KIAA0586: variants seen among roughly 807,000 people sequenced by gnomAD.
KIAA0586 encodes protein TALPID3.
Under a neutral mutation model 169.8 loss-of-function variants are expected in KIAA0586, and 144 were observed. That is an observed-to-expected ratio of 0.85 (90% CI 0.74 to 0.97). The LOEUF is 0.97. Ranked by LOEUF, KIAA0586 falls within the 50% of genes least tolerant of loss-of-function variation. The probability of loss-of-function intolerance (pLI) is 0.00; values close to 1 mark genes in which losing one functional copy is unlikely to be tolerated. For missense variants in KIAA0586, 1,854 were observed against 1,823.0 expected, an observed-to-expected ratio of 1.02 and a Z score of -0.31; for synonymous variants, 625 against 612.4, an observed-to-expected ratio of 1.02 and a Z score of -0.30.
At chr14:58,501,994 A>G (rs1366994491) in intron 27 of KIAA0586, among the ~76,000 whole-genome samples, 4 of 152,190 alleles carry the variant, frequency 2.6e-5, no homozygotes, top group African/African-American at 7.2e-5. Flanking sequence ...TGAAGGATCC[A>G]CTTTCCAAGT....
At chr14:58,535,997 C>G (rs752738928) in intron 29 of KIAA0586, among the ~76,000 whole-genome samples, 1 of 152,008 alleles carries the variant, frequency 6.6e-6, no homozygotes, top group Non-Finnish European at 1.5e-5. Context: ...ATACCAGTGA[C>G]TCTTACTGAA....
intron 27 of KIAA0586, 32 bp downstream of exon 27, chr14:58,498,992 CATA>C (rs2043361132): frequency 6.5e-7 from 1 of 1,535,694 alleles, no homozygotes; most frequent in East Asian, 2.4e-5. Flanking sequence ...CTTGATGTGT[CATA>C]GTAGTATCCC....
chr14:58,529,795 A>G (rs959814654), intron 29 of KIAA0586, among the ~76,000 whole-genome samples: 2 of 152,256 alleles, frequency 1.3e-5, no homozygotes, highest in Admixed American at 6.5e-5. Context: ...GTAAACCAGC[A>G]CAAGACAAGG....
At chr14:58,484,617 A>T (rs892642426) in intron 21 of KIAA0586, among the ~76,000 whole-genome samples, 5 of 151,462 alleles carry the variant, frequency 3.3e-5, no homozygotes, top group African/African-American at 1.2e-4. Flanking sequence ...TGAGTTATAT[A>T]TATAAAATAT....
At chr14:58,539,471 G>A (rs913882628) in intron 29 of KIAA0586, among the ~76,000 whole-genome samples, 1 of 152,084 alleles carries the variant, frequency 6.6e-6, no homozygotes, top group Non-Finnish European at 1.5e-5. Flanking sequence ...AGAGTGTCTT[G>A]TTGGCCTGAG....
chr14:58,526,446 C>T (rs1046732026), intron 29 of KIAA0586, among the ~76,000 whole-genome samples: 2 of 152,188 alleles, frequency 1.3e-5, no homozygotes, highest in African/African-American at 4.8e-5. Flanking sequence ...TAGCAAACTC[C>T]AGCAGACCTG....
chr14:58,496,829 T>A (rs1440165785), intron 26 of KIAA0586, among the ~76,000 whole-genome samples: 1 of 152,202 alleles, frequency 6.6e-6, no homozygotes, highest in Non-Finnish European at 1.5e-5. Context: ...TTGCTTCAGT[T>A]CTTAATTAGT....
chr14:58,531,936 T>C (rs1218784576), intron 29 of KIAA0586, among the ~76,000 whole-genome samples: 1 of 151,250 alleles, frequency 6.6e-6, no homozygotes, highest in Non-Finnish European at 1.5e-5. Context: ...AACACAGGAA[T>C]AGGAAATCAA....
At position 58,460,042 on chromosome 14, in the gene KIAA0586, C is replaced by T. The variant is rs776815182; in HGVS notation, c.1856C>T (p.Ala619Val). 4 of 1,528,222 alleles carry T rather than the reference C, an allele frequency of 2.6e-6. No homozygotes were observed. The South Asian group carries it at 3.6e-5, about 14-fold the overall frequency. 94.7% of individuals were successfully genotyped at this position (1,528,222 alleles called of 1,614,324 possible). A position where few individuals can be genotyped will look rare whatever the true frequency, so the allele number is the denominator to read the frequency against. ...AATCTACCTATGAGGGGCATGCCTG[C>T]TTCAAGTTTACAGAAAGAGAGAAAG... ...FRNLPMRGMP[A>V]SSLQKERKEG... The change falls in exon 13 of 31, where the codon GCT (alanine) becomes GTT (valine). Residue 619 changes from alanine (A) to valine (V), a missense_variant. Transcript: ENST00000652326.
At chr14:58,471,939 C>T (rs1294713723) in intron 17 of KIAA0586, among the ~76,000 whole-genome samples, 1 of 152,054 alleles carries the variant, frequency 6.6e-6, no homozygotes, top group East Asian at 1.9e-4. Flanking sequence ...ACCTGTTGAT[C>T]AATTAAGTGA....
intron 29 of KIAA0586, among the ~76,000 whole-genome samples, chr14:58,516,418 G>A (rs1251753265): frequency 5.3e-5 from 8 of 152,154 alleles, no homozygotes; most frequent in African/African-American, 1.9e-4. Flanking sequence ...GAAAAAAAAA[G>A]AATCCACTCC....
At chr14:58,510,029 A>G (rs554757544) in intron 28 of KIAA0586, among the ~76,000 whole-genome samples, 17 of 152,220 alleles carry the variant, frequency 1.1e-4, no homozygotes, top group African/African-American at 1.7e-4. Flanking sequence ...ATAGATTTGG[A>G]ACAGTCCTTT....
chr14:58,497,275 C>T (rs577775814), intron 26 of KIAA0586, among the ~76,000 whole-genome samples: 4 of 151,600 alleles, frequency 2.6e-5, no homozygotes, highest in South Asian at 2.1e-4. Flanking sequence ...GCCCAGCCAA[C>T]GATTTTTGTG....
chr14:58,465,004 A>G (rs1203727080), intron 14 of KIAA0586, among the ~76,000 whole-genome samples: 1 of 152,158 alleles, frequency 6.6e-6, no homozygotes, highest in Non-Finnish European at 1.5e-5. Flanking sequence ...CCTGGGAGGC[A>G]GAGGTTGCAT....
intron 9 of KIAA0586, 34 bp downstream of exon 9, chr14:58,453,507 GAA>G (rs2039573831): frequency 7.0e-7 from 1 of 1,423,708 alleles, no homozygotes; most frequent in South Asian, 1.5e-5. Flanking sequence ...AAACTAGATT[GAA>G]AAGAGTTTTG....
At chr14:58,468,240 G>A (rs998712753) in intron 16 of KIAA0586, among the ~76,000 whole-genome samples, 1 of 151,988 alleles carries the variant, frequency 6.6e-6, no homozygotes, top group East Asian at 1.9e-4. Context: ...TAGTAGAGAT[G>A]GGGTTTCATA....
At chr14:58,492,321 A>G (rs1332297169) in intron 26 of KIAA0586, 46 bp downstream of exon 26, 42 of 1,486,664 alleles carry the variant, frequency 2.8e-5, no homozygotes, top group Middle Eastern at 1.8e-4. Context: ...ATCTAAATAC[A>G]GGAAAAAATT....
In KIAA0586 at chr14:58,453,429, A is replaced by G; in HGVS notation, c.1209A>G (p.Ser403=). The G allele has an allele frequency of 6.6e-7, 1 of 1,523,934 alleles. No homozygotes were observed. Among genetic ancestry groups the G allele is most frequent in the Non-Finnish European group, 8.8e-7 (1 of 1,132,864 alleles). 94.4% of individuals were successfully genotyped at this position (1,523,934 alleles called of 1,614,324 possible). A position where few individuals can be genotyped will look rare whatever the true frequency, so the allele number is the denominator to read the frequency against. The change falls in exon 9 of 31, where the codon TCA becomes TCG. Residue 403 remains serine (S), a synonymous_variant. Transcript: ENST00000652326. Reference sequence around the variant, plus strand: ...AAAGTGAATCATCAAACACCACCTCACTAACTAGGTCAAAAATAGGATGGA... The same window carrying G: ...AAAGTGAATCATCAAACACCACCTCGCTAACTAGGTCAAAAATAGGATGGA... The part of the protein sequence containing the change: ...TRKSESSNTT[S]LTRSKIGWTP...
intron 30 of KIAA0586, among the ~76,000 whole-genome samples, chr14:58,543,039 G>A (rs1361861228): frequency 6.6e-6 from 1 of 151,742 alleles, no homozygotes; most frequent in Admixed American, 6.6e-5. Context: ...GGCTGAGGCA[G>A]GAGAATGGCG....
Sources: gnomAD v4.1 joint callset for allele counts (sites outside exome capture counted in the v4.1 genomes callset) on GRCh38, gnomAD v4.1.1 for gene constraint, MANE v1.5 for transcripts, NCBI Gene and HGNC (gene_info 2026-07-23, HGNC 2026-07-21) for gene names.